ART3: variants seen among roughly 807,000 people sequenced by gnomAD.
ART3 encodes the protein ecto-ADP-ribosyltransferase 3.
A neutral mutation model predicts 48.5 loss-of-function variants in ART3; 49 were observed. The observed-to-expected ratio is 1.01, with a 90% CI of 0.80 to 1.28. The LOEUF is 1.28. Ranked by LOEUF, ART3 falls within the 50% of genes most tolerant of loss-of-function variation. The probability of loss-of-function intolerance (pLI) is 0.00; values close to 1 mark genes in which losing one functional copy is unlikely to be tolerated. For missense variants in ART3, 438 were observed against 454.3 expected, an observed-to-expected ratio of 0.96 and a Z score of 0.33; for synonymous variants, 145 against 157.2, an observed-to-expected ratio of 0.92 and a Z score of 0.58.
At chr4:76,070,482 G>T (rs1720201406), upstream of ART3, among the ~76,000 whole-genome samples, 1 of 152,140 alleles carries the variant, frequency 6.6e-6, no homozygotes, top group African/African-American at 2.4e-5. Context: ...CCTTTGTGAA[G>T]TGTCAGTTCA....
At chr4:76,031,346 C>A (rs550178647) in intron 1 of ART3, among the ~76,000 whole-genome samples, 2 of 126,130 alleles carry the variant, frequency 1.6e-5, no homozygotes, top group East Asian at 2.9e-4. Context: ...TAATGAAGAT[C>A]AAACAGAGAA....
At chr4:76,100,675 A>G in intron 6 of ART3, 120 bp from the exon 7 acceptor site, 1 of 1,179,050 alleles carries the variant, frequency 8.5e-7, no homozygotes, top group Non-Finnish European at 1.2e-6. Flanking sequence ...TTTGCAAGAT[A>G]CCTCCCTTTA....
intron 8 of ART3, among the ~76,000 whole-genome samples, chr4:76,103,086 G>C (rs9990550): frequency 2.4e-4 from 36 of 152,026 alleles, no homozygotes; most frequent in African/African-American, 8.4e-4. Flanking sequence ...TCAAGCTGAT[G>C]GCATTTTTTT....
chr4:76,098,158 G>A (rs549140987), intron 4 of ART3, among the ~76,000 whole-genome samples: 10 of 151,190 alleles, frequency 6.6e-5, no homozygotes, highest in Admixed American at 2.0e-4. Flanking sequence ...AGGGTAATGC[G>A]GTAGATTTTA....
chr4:76,034,797 A>T, intron 1 of ART3: 1 of 1,549,336 alleles, frequency 6.5e-7, no homozygotes, highest in Non-Finnish European at 8.9e-7. Flanking sequence ...ATATTTTTAA[A>T]AATTCTTTCT....
chr4:76,020,701 C>T (rs997622410), intron 1 of ART3, among the ~76,000 whole-genome samples: 4 of 151,834 alleles, frequency 2.6e-5, no homozygotes, highest in African/African-American at 9.7e-5. Flanking sequence ...AGAAATTTGG[C>T]CATAGGGCTG....
At chr4:76,039,296 T>C (rs6827128) in intron 1 of ART3, among the ~76,000 whole-genome samples, 92,907 of 151,944 alleles carry the variant, frequency 0.61, 29,473 homozygotes, top group East Asian at 0.94. Context: ...GATGGGGTTT[T>C]ACCATGTTGG....
At chr4:76,023,216 A>G (rs527426349) in intron 1 of ART3, among the ~76,000 whole-genome samples, 2 of 151,952 alleles carry the variant, frequency 1.3e-5, no homozygotes, top group Non-Finnish European at 2.9e-5. Flanking sequence ...TTCAATTCAT[A>G]TAAGTTTTAT....
At position 76,107,770 on chromosome 4, in the gene ART3, G is replaced by A. The variant is rs1459251030; in HGVS notation, c.1013G>A (p.Ser338Asn). The A allele has an allele frequency of 1.4e-6, 2 of 1,462,360 alleles. No homozygotes were observed. Among genetic ancestry groups the A allele is most frequent in the Admixed American group, 4.4e-5 (2 of 45,946 alleles). The allele number at this position is 1,462,360 out of a possible 1,614,324, so 90.6% of individuals were successfully genotyped here. Reference sequence around the variant, plus strand: ...TCTCTTTATATTTTAGAAGATAAAAGTCAAGGAAATATCAACAATCCTAGT... The same window carrying A: ...TCTCTTTATATTTTAGAAGATAAAAATCAAGGAAATATCAACAATCCTAGT... Reference protein sequence around the residue: ...PEPFPLPEDKSQGNINNPTPG... With the variant: ...PEPFPLPEDKNQGNINNPTPG... Residue 338 changes from serine to asparagine, a missense_variant, in exon 11 of 12, where the codon AGT (serine) becomes AAT (asparagine). This residue lies in a region of ART3 where 227 missense variants were observed against 229.6 expected (regional missense o/e 0.99). Transcript: ENST00000355810.
chr4:76,075,828 C>T (rs7693117), intron 1 of ART3, 53 bp from the exon 2 acceptor site: 123,790 of 1,398,786 alleles, frequency 0.088, 6,488 homozygotes, highest in Admixed American at 0.19. Context: ...ATTCTACTTC[C>T]CTACACCTCT....
At chr4:76,013,420 A>G (rs1731980683) in intron 1 of ART3, among the ~76,000 whole-genome samples, 1 of 152,222 alleles carries the variant, frequency 6.6e-6, no homozygotes, top group Admixed American at 6.5e-5. Context: ...AGGGAATAAC[A>G]TGAGATTTAT....
rs145450014 is a variant in ART3, at chr4:76,079,409, G to C, written c.70-2415G>C. Reference sequence around the variant, plus strand: ...CTGTACGATTGTAAGTTTCGTCTTAGACATGTTACGTATGAAGGTTCTTTG... The same window carrying C: ...CTGTACGATTGTAAGTTTCGTCTTACACATGTTACGTATGAAGGTTCTTTG... On this transcript the variant is annotated intron_variant, in intron 2 of 11. Transcript: ENST00000355810. Among the ~76,000 whole-genome samples the C allele has an allele frequency of 9.2e-3, 1,405 of 152,296 alleles. 8 individuals carry two copies. The highest frequency in any genetic ancestry group is 0.015 in the Non-Finnish European group (989 of 68,016).
chr4:76,040,880 T>G (rs1189061756), intron 1 of ART3, among the ~76,000 whole-genome samples: 1 of 152,196 alleles, frequency 6.6e-6, no homozygotes, highest in African/African-American at 2.4e-5. Context: ...ATAAGCCTAA[T>G]TAGGCTTTAG....
At chr4:76,042,561 C>T (rs1054546916) in intron 1 of ART3, among the ~76,000 whole-genome samples, 2 of 152,110 alleles carry the variant, frequency 1.3e-5, no homozygotes, top group African/African-American at 2.4e-5. Context: ...TTCTTGGTCT[C>T]GCTGACTTCA....
At chr4:76,044,687 C>T (rs1735325063) in intron 1 of ART3, among the ~76,000 whole-genome samples, 3 of 151,864 alleles carry the variant, frequency 2.0e-5, no homozygotes, top group African/African-American at 7.3e-5. Context: ...CTGTTTCTGA[C>T]ACCCTCTTTA....
chr4:76,105,648 G>A (rs1296041253), intron 10 of ART3: 2 of 1,219,798 alleles, frequency 1.6e-6, no homozygotes, highest in Middle Eastern at 4.9e-4. Flanking sequence ...GTCTGGGGAA[G>A]ACATCTGGGC....
chr4:76,056,349 C>A (rs979599462), intron 1 of ART3, among the ~76,000 whole-genome samples: 3 of 152,194 alleles, frequency 2.0e-5, no homozygotes, highest in African/African-American at 7.2e-5. Context: ...CTTTTTACCT[C>A]TACCTGTGGG....
At chr4:76,067,516 T>C (rs1281722665) in intron 1 of ART3, among the ~76,000 whole-genome samples, 1 of 152,260 alleles carries the variant, frequency 6.6e-6, no homozygotes, top group African/African-American at 2.4e-5. Context: ...TCACCATTGC[T>C]GGAGACCAGA....
chr4:76,072,507 C>G (rs1190454933), upstream of ART3, among the ~76,000 whole-genome samples: 1 of 151,980 alleles, frequency 6.6e-6, no homozygotes, highest in African/African-American at 2.4e-5. Flanking sequence ...TTAATGCTGC[C>G]TTCCTGATTC....
Sources: gnomAD v4.1 joint callset for allele counts (sites outside exome capture counted in the v4.1 genomes callset) on GRCh38, gnomAD v4.1.1 for gene constraint, gnomAD v4.1.1 regional missense constraint, MANE v1.5 for transcripts, NCBI Gene and HGNC (gene_info 2026-07-23, HGNC 2026-07-21) for gene names.